The following DVL1 variants were observed in gnomAD, a reference collection of about 807,000 sequenced individuals.
The protein encoded by DVL1 is segment polarity protein dishevelled homolog DVL-1.
DVL1 carries 49 observed loss-of-function variants against 65.0 expected under a neutral mutation model. That is an observed-to-expected ratio of 0.75 (90% CI 0.60 to 0.96). DVL1 has a LOEUF of 0.96. Ranked by LOEUF, DVL1 falls within the 40% of genes least tolerant of loss-of-function variation. The pLI, the probability that DVL1 is intolerant of heterozygous loss-of-function variation, is 0.00. For missense variants in DVL1, 1,197 were observed against 1,045.4 expected (o/e 1.15, Z -2.00); for synonymous variants, 608 against 433.9 (o/e 1.40, Z -4.99).
chr1:1,340,259 T>C lies in DVL1; in HGVS notation c.757A>G (p.Thr253Ala), dbSNP rs754806262. The part of the protein sequence containing the change: ...STMSLNIVTV[T>A]LNMERHHFLG... ...CCCGAGGCCTCACCCATGTTGAGCG[T>C]GACAGTGACGATGTTGAGGGACATG... The change falls in exon 7 of 15, where the codon ACG becomes GCG. Residue 253 changes from threonine to alanine, a missense_variant. Coordinates refer to ENST00000378888, the MANE Select transcript of DVL1 (RefSeq NM_001330311.2). 19 of 1,613,984 alleles carry C rather than the reference T, an allele frequency of 1.2e-5. No individual in the cohort carries two copies. In the South Asian group the frequency reaches 2.0e-4, roughly 17 times the overall value.
At chr1:1,341,211 ACGCACACGCACACATGCACACACCTG>A (rs1391466667) in intron 5 of DVL1, among the ~76,000 whole-genome samples, 86 of 149,610 alleles carry the variant, frequency 5.7e-4, no homozygotes, top group African/African-American at 2.0e-3. Context: ...ACCTGCACAC[ACGCACACGCACACATGCACACACCTG>A]CGCACACGCG....
intron 5 of DVL1, among the ~76,000 whole-genome samples, chr1:1,341,312 A>G (rs1340108040): frequency 1.3e-5 from 2 of 152,284 alleles, no homozygotes; most frequent in South Asian, 2.1e-4. Context: ...ACATGCACAC[A>G]CAGACATGCG....
Position 1,336,397 on chromosome 1 carries a change from C to G in DVL1, c.1833G>C (p.Gly611=). 1 of 1,599,380 alleles carries G rather than the reference C, an allele frequency of 6.3e-7. No homozygotes were observed. The highest frequency in any genetic ancestry group is 8.5e-7 in the Non-Finnish European group (1 of 1,178,566). Residue 611 remains glycine, a synonymous_variant, in exon 15 of 15, where the codon GGG becomes GGC. Transcript: ENST00000378888. ...GSESDHTAPS[G]VGSSWRERPA... is the part of the protein sequence containing the mutation. ...GACGCTCTCGCCAGCTGCTCCCCAC[C>G]CCACTCGGTGCCGTGTGATCCGATT...
In DVL1 at chr1:1,338,135, T is replaced by C. The variant is rs775261386; in HGVS notation, c.1556A>G (p.Gln519Arg). 2 of 1,609,376 alleles carry C rather than the reference T, an allele frequency of 1.2e-6. No individual in the cohort carries two copies. Among genetic ancestry groups the C allele is most frequent in the Non-Finnish European group, 1.7e-6 (2 of 1,178,506 alleles). ...LNSGSSGTSD[Q>R]DTLAPLPHPA... is the part of the protein sequence containing the mutation. ...GTGGGGCAGCGGGGCCAGCGTGTCC[T>C]GATCCGAAGTCCCACTGGAGCCACT... Residue 519 changes from glutamine (Q) to arginine (R), a missense_variant, in exon 14 of 15, where the codon CAG becomes CGG. Gln to Arg is a conservative substitution (Grantham distance 43, BLOSUM62 1). Coordinates refer to ENST00000378888, the MANE Select transcript of DVL1 (RefSeq NM_001330311.2).
intron 13 of DVL1, 40 bp downstream of exon 13, chr1:1,338,229 T>TGGCCCGC: frequency 2.0e-6 from 3 of 1,522,366 alleles, no homozygotes; most frequent in Non-Finnish European, 2.7e-6. Flanking sequence ...CCTCCGGCGT[T>TGGCCCGC]CCCCTCCCCC....
chr1:1,345,725 G>A (rs1643905641), intron 1 of DVL1, among the ~76,000 whole-genome samples: 1 of 152,192 alleles, frequency 6.6e-6, no homozygotes, highest in Non-Finnish European at 1.5e-5. Flanking sequence ...ACAGCCAGCT[G>A]CCCTAGACGT....
chr1:1,339,741 C>T lies in DVL1; in HGVS notation c.981G>A (p.Gln327=), dbSNP rs1235051923. ...CCAGCGCCCCCAGCCCTCACCCCGT[C>T]TGGGAAACGATCTCCCGCAGCACCC... ...AVRVLREIVS[Q]TGPISLTVAK... Residue 327 remains glutamine (Q), a synonymous_variant, in exon 9 of 15, where the codon CAG becomes CAA. Transcript: ENST00000378888. The T allele has an allele frequency of 5.0e-6, 8 of 1,613,076 alleles. No homozygotes were observed. The highest frequency in any genetic ancestry group is 6.8e-6 in the Non-Finnish European group (8 of 1,179,922).
chr1:1,342,296 C>T lies in DVL1; in HGVS notation c.362+67G>A, dbSNP rs1038345316. ...CTACTGGCCCAGGCAGGCCTCCCTCCCCTGTTGGCCAGCAACCCCCATGAC... is the reference window on the plus strand; with the variant it reads ...CTACTGGCCCAGGCAGGCCTCCCTCTCCTGTTGGCCAGCAACCCCCATGAC... On this transcript the variant is annotated intron_variant, in intron 3 of 14. Coordinates refer to ENST00000378888, the MANE Select transcript of DVL1 (RefSeq NM_001330311.2). 9.3e-6 allele frequency: 14 copies of T among 1,507,182 alleles called. No homozygotes were observed. In the East Asian group the frequency reaches 3.2e-4, roughly 35 times the overall value. 93.4% of individuals were successfully genotyped at this position (1,507,182 alleles called of 1,614,324 possible).
Position 1,342,132 on chromosome 1 carries a change from G to T in DVL1, c.387C>A (p.Asp129Glu). Residue 129 changes from aspartate (D) to glutamate (E), a missense_variant, in exon 4 of 15, where the codon GAC (aspartate) becomes GAA (glutamate). Coordinates refer to ENST00000378888, the MANE Select transcript of DVL1 (RefSeq NM_001330311.2). The part of the protein sequence containing the change: ...SFHPNVASSR[D>E]GMDNETGTES... ...CCGTGCCTGTCTCGTTGTCCATCCC[G>T]TCACGGCTGCTGGCCACATTTGGGC... 1 of 1,580,886 alleles carries T rather than the reference G, an allele frequency of 6.3e-7. No individual in the cohort carries two copies. Among genetic ancestry groups the T allele is most frequent in the African/African-American group, 1.3e-5 (1 of 74,562 alleles).
rs776213572 is a variant in DVL1 at position 1,339,521 on chromosome 1, C to T, written c.1054+61G>A. ...GGGTGCAGGGCACAGAGGAGAGAGG[C>T]CTTCAGGCTAGGTAGGCGCCCCCTC... On this transcript the variant is annotated intron_variant, in intron 10 of 14. Transcript: ENST00000378888. 3.9e-6 allele frequency: 6 copies of T among 1,554,918 alleles called. No individual in the cohort carries two copies. In the Admixed American group the frequency reaches 7.7e-5, roughly 20 times the overall value.
At chr1:1,342,244 C>A in intron 3 of DVL1, 88 bp from the exon 4 acceptor site, 1 of 1,498,220 alleles carries the variant, frequency 6.7e-7, no homozygotes. Context: ...CCTGTGGGAC[C>A]CCAGCCCCAG....
intron 1 of DVL1, among the ~76,000 whole-genome samples, chr1:1,348,045 G>A (rs550370092): frequency 6.6e-6 from 1 of 152,316 alleles, no homozygotes; most frequent in African/African-American, 2.4e-5. Context: ...CTTGCCGGAG[G>A]CTCACCTCCT....
Position 1,349,075 on chromosome 1 carries a change from G to C in DVL1, c.-10C>G, listed in dbSNP as rs1465090996. ...TCTTGGTCTCCGCCATGGCGCGGCG[G>C]CGGCGCGGAGCCCGCGCGCTCAGGG... On this transcript the variant is annotated 5_prime_UTR_variant, in exon 1 of 15. Coordinates refer to ENST00000378888, the MANE Select transcript of DVL1 (RefSeq NM_001330311.2). This position sits in a 1 kb window ranked among gnomAD's most constrained non-coding sequence, Gnocchi z 4.1. The C allele has an allele frequency of 1.4e-6, 2 of 1,459,414 alleles. No homozygotes were observed. The highest frequency in any genetic ancestry group is 3.0e-5 in the African/African-American group (2 of 66,474). The allele number at this position is 1,459,414 out of a possible 1,614,324, so 90.4% of individuals were successfully genotyped here. A position where few individuals can be genotyped will look rare whatever the true frequency, so the allele number is the denominator to read the frequency against.
rs759483082 is a variant in DVL1 at position 1,349,045 on chromosome 1, G to A, written c.21C>T (p.Ile7=). 7.8e-6 allele frequency: 12 copies of A among 1,540,982 alleles called. No homozygotes were observed. The Admixed American group carries it at 1.3e-4, about 16-fold the overall frequency. MAETKI[I]YHMDEEETPY... Reference sequence around the variant, plus strand: ...GCGTCTCCTCCTCGTCCATGTGGTAGATAATCTTGGTCTCCGCCATGGCGC... The same window carrying A: ...GCGTCTCCTCCTCGTCCATGTGGTAAATAATCTTGGTCTCCGCCATGGCGC... Residue 7 remains isoleucine, a synonymous_variant, in exon 1 of 15, where the codon ATC becomes ATT. Coordinates refer to ENST00000378888, the MANE Select transcript of DVL1 (RefSeq NM_001330311.2). The surrounding 1 kb of genome is among the most constrained non-coding windows in gnomAD (Gnocchi z 4.1).
intron 14 of DVL1, 151 bp from the exon 15 acceptor site, chr1:1,336,666 G>T: frequency 9.3e-7 from 1 of 1,080,884 alleles, no homozygotes; most frequent in Non-Finnish European, 1.2e-6. Flanking sequence ...GACAGGGCCG[G>T]CACCCCCAGG....
Position 1,336,313 on chromosome 1 carries a change from CG to C in DVL1, c.1916del (p.Pro639ArgfsTer35). The C allele has an allele frequency of 1.3e-6, 2 of 1,568,000 alleles. No individual in the cohort carries two copies. The highest frequency in any genetic ancestry group is 8.6e-7 in the Non-Finnish European group (1 of 1,163,996). On this transcript the variant is annotated frameshift_variant, in exon 15 of 15. Coordinates refer to ENST00000378888, the MANE Select transcript of DVL1 (RefSeq NM_001330311.2). LOFTEE classifies it high-confidence loss of function. Reference protein sequence around the residue: ...SPRSQASATAPGLPPPHPTTK... With the variant: ...SPRSQASATAXGLPPPHPTTK... ...TCGTGGGGTGGGGCGGGGGGAGCCC[CG>C]GGGCGGTAGCCGAGGCCTGACTGCG...
At chr1:1,343,013 C>T (rs1259574565) in intron 1 of DVL1, among the ~76,000 whole-genome samples, 1 of 152,072 alleles carries the variant, frequency 6.6e-6, no homozygotes, top group East Asian at 1.9e-4. Flanking sequence ...CCTTCCTCTC[C>T]GTCACATCCT....
At chr1:1,342,583 C>T (rs924259801) in intron 2 of DVL1, 99 bp from the exon 3 acceptor site, 1 of 1,575,262 alleles carries the variant, frequency 6.3e-7, no homozygotes, top group Admixed American at 1.8e-5. Flanking sequence ...GCCCTATCCG[C>T]ACCCAGCCTG....
intron 4 of DVL1, 31 bp from the exon 5 acceptor site, chr1:1,341,836 C>T (rs1028128930): frequency 6.5e-7 from 1 of 1,544,118 alleles, no homozygotes; most frequent in Non-Finnish European, 8.8e-7. Flanking sequence ...GAACTGACTG[C>T]AGGGTCTCCC....
Sources: gnomAD v4.1 joint callset for allele counts (sites outside exome capture counted in the v4.1 genomes callset) on GRCh38, gnomAD v4.1.1 for gene constraint, Gnocchi (gnomAD v3.1) non-coding constraint, MANE v1.5 for transcripts, NCBI Gene and HGNC (gene_info 2026-07-23, HGNC 2026-07-21) for gene names.